The following NEGR1 variants were observed in gnomAD, a reference collection of about 807,000 sequenced individuals.
NEGR1 encodes IgLON family member 4.
In NEGR1, 10 loss-of-function variants were observed where a neutral mutation model predicts 40.9. The ratio of observed to expected loss-of-function variants is 0.24; its 90% confidence interval spans 0.15 to 0.42. The LOEUF is 0.42. Ranked by LOEUF, NEGR1 falls within the 10% of genes least tolerant of loss-of-function variation. The probability of loss-of-function intolerance (pLI) is 1.00; values close to 1 mark genes in which losing one functional copy is unlikely to be tolerated. For missense variants in NEGR1, 352 were observed against 438.9 expected (o/e 0.80, Z 1.77); for synonymous variants, 185 against 166.8 (o/e 1.11, Z -0.84).
At chr1:72,117,811 A>G (rs1483494002) in intron 1 of NEGR1, among the ~76,000 whole-genome samples, 2 of 151,846 alleles carry the variant, frequency 1.3e-5, no homozygotes, top group African/African-American at 4.8e-5. Context: ...AGGGATGTTC[A>G]CTTGCCTCAA....
chr1:71,841,352 A>C (rs1659231502), intron 2 of NEGR1, among the ~76,000 whole-genome samples: 1 of 152,202 alleles, frequency 6.6e-6, no homozygotes, highest in Non-Finnish European at 1.5e-5. Context: ...TCCAGTATTC[A>C]ATAAACAGCT....
intron 6 of NEGR1, among the ~76,000 whole-genome samples, chr1:71,490,890 A>G (rs888617014): frequency 1.3e-5 from 2 of 152,052 alleles, no homozygotes; most frequent in Non-Finnish European, 2.9e-5. Flanking sequence ...TTCTTGTTAT[A>G]TGAAATAATA....
At chr1:71,932,323 C>A (rs1397145711) in intron 2 of NEGR1, among the ~76,000 whole-genome samples, 1 of 150,428 alleles carries the variant, frequency 6.6e-6, no homozygotes, top group South Asian at 2.1e-4. Flanking sequence ...TGTCATTTGT[C>A]TTTTTTTGAC....
intron 1 of NEGR1, among the ~76,000 whole-genome samples, chr1:71,970,803 G>T (rs1646250384): frequency 6.6e-6 from 1 of 152,146 alleles, no homozygotes; most frequent in Non-Finnish European, 1.5e-5. Flanking sequence ...GTTATTAAAT[G>T]AAATATGTAC....
intron 1 of NEGR1, among the ~76,000 whole-genome samples, chr1:71,972,293 A>C (rs1239892506): frequency 6.6e-6 from 1 of 152,192 alleles, no homozygotes; most frequent in Non-Finnish European, 1.5e-5. Context: ...ACCTATATCC[A>C]AAAGTAAAAG....
intron 1 of NEGR1, among the ~76,000 whole-genome samples, chr1:72,119,284 C>A (rs572166881): frequency 1.8e-4 from 28 of 151,878 alleles, no homozygotes; most frequent in Non-Finnish European, 3.2e-4. Flanking sequence ...TTCCTAATGT[C>A]ACACAGTGAG....
At chr1:71,545,983 A>G (rs551757417) in intron 6 of NEGR1, among the ~76,000 whole-genome samples, 17 of 151,830 alleles carry the variant, frequency 1.1e-4, no homozygotes, top group African/African-American at 3.9e-4. Flanking sequence ...AACCATTTCT[A>G]TGGTTCAAAT....
intron 6 of NEGR1, among the ~76,000 whole-genome samples, chr1:71,493,572 T>C (rs1285378134): frequency 3.3e-5 from 5 of 152,168 alleles, no homozygotes; most frequent in Admixed American, 6.6e-5. Flanking sequence ...GTTAAACATA[T>C]ACTGTTTCCA....
At chr1:72,132,004 C>T (rs1196023395) in intron 1 of NEGR1, among the ~76,000 whole-genome samples, 1 of 152,092 alleles carries the variant, frequency 6.6e-6, no homozygotes, top group Non-Finnish European at 1.5e-5. Context: ...GGTCCTGAGG[C>T]AGGAGAATCG....
chr1:71,469,111 T>C (rs1203471415), intron 6 of NEGR1, among the ~76,000 whole-genome samples: 1 of 152,068 alleles, frequency 6.6e-6, no homozygotes, highest in East Asian at 1.9e-4. Flanking sequence ...TCCTTTGAAA[T>C]TGATTCATGA....
chr1:71,503,211 G>T (rs1298227972), intron 6 of NEGR1, among the ~76,000 whole-genome samples: 3 of 152,102 alleles, frequency 2.0e-5, no homozygotes, highest in African/African-American at 7.2e-5. Flanking sequence ...CCTAAGTTTG[G>T]CTCAAATGAG....
At chr1:71,732,839 A>G (rs1654927561) in intron 3 of NEGR1, among the ~76,000 whole-genome samples, 1 of 152,170 alleles carries the variant, frequency 6.6e-6, no homozygotes, top group Non-Finnish European at 1.5e-5. Context: ...ATACTACAAA[A>G]TATCTACCAC....
intron 1 of NEGR1, among the ~76,000 whole-genome samples, chr1:72,193,258 C>T (rs188139917): frequency 4.6e-5 from 7 of 151,870 alleles, no homozygotes; most frequent in Admixed American, 2.0e-4. Context: ...GTTTCCTTTT[C>T]TATCTTTGCA....
intron 3 of NEGR1, among the ~76,000 whole-genome samples, chr1:71,721,468 T>C (rs911740186): frequency 6.9e-5 from 9 of 130,194 alleles, no homozygotes; most frequent in Non-Finnish European, 1.3e-4. Flanking sequence ...CCTGTTCTCA[T>C]TGGTACAAAA....
rs143181269 is a variant in NEGR1, at chr1:71,701,511, T to C, written c.536-3372A>G. ...CTCTGACCACTCTACTGTTTTCTTC[T>C]TTCACTTTTAAGGATTCATGTGATT... On this transcript the variant is annotated intron_variant, in intron 3 of 6. Coordinates refer to ENST00000357731, the MANE Select transcript of NEGR1 (RefSeq NM_173808.3). Among the ~76,000 whole-genome samples, 281 of 152,152 alleles carry C rather than the reference T, an allele frequency of 1.8e-3. 2 individuals carry two copies. The highest frequency in any genetic ancestry group is 6.6e-3 in the African/African-American group (274 of 41,546).
At position 72,191,929 on chromosome 1, in the gene NEGR1, T is replaced by C. The variant is rs542462331; in HGVS notation, c.176+90390A>G. ...TCAATACTCAGAAGCAAATGTCTGT[T>C]CCCTAAGGTAACCCAGGCAATTCTC... is the stretch of plus-strand genomic sequence containing the variant. On this transcript the variant is annotated intron_variant, in intron 1 of 6. Transcript: ENST00000357731. 9.2e-5 allele frequency among the ~76,000 whole-genome samples: 14 copies of C among 151,996 alleles called. No homozygotes were observed. In the East Asian group the frequency reaches 1.8e-3, roughly 19 times the overall value.
intron 6 of NEGR1, among the ~76,000 whole-genome samples, chr1:71,574,872 C>T (rs558239919): frequency 6.6e-6 from 1 of 152,182 alleles, no homozygotes; most frequent in South Asian, 2.1e-4. Flanking sequence ...ATACATAAAC[C>T]ATTTGGATTA....
chr1:71,815,334 T>C (rs572273335), intron 2 of NEGR1, among the ~76,000 whole-genome samples: 54 of 152,240 alleles, frequency 3.5e-4, no homozygotes, highest in African/African-American at 1.3e-3. Flanking sequence ...ACTTATGTGA[T>C]TGATTTTAGA....
At chr1:71,769,103 G>A (rs1656228627) in intron 3 of NEGR1, among the ~76,000 whole-genome samples, 1 of 150,660 alleles carries the variant, frequency 6.6e-6, no homozygotes, top group African/African-American at 2.4e-5. Context: ...CCTAGTTTCT[G>A]GTATTTTATA....
Sources: allele counts gnomAD v4.1 joint callset (sites outside exome capture counted in the v4.1 genomes callset), GRCh38; gene constraint gnomAD v4.1.1; transcripts MANE v1.5; gene names NCBI Gene and HGNC (gene_info 2026-07-23, HGNC 2026-07-21).